Variants in COMMD7 observed in about 807,000 individuals in gnomAD.
COMMD7 encodes COMM domain-containing protein 7.
Under a neutral mutation model 34.8 loss-of-function variants are expected in COMMD7, and 28 were observed. That is an observed-to-expected ratio of 0.80 (90% CI 0.60 to 1.10). COMMD7 has a LOEUF of 1.10. COMMD7 is among the 50% of genes least tolerant of loss of function. The pLI, the probability that COMMD7 is intolerant of heterozygous loss-of-function variation, is 0.00. For missense variants in COMMD7, 211 were observed against 241.6 expected, an observed-to-expected ratio of 0.87 and a Z score of 0.84; for synonymous variants, 80 against 86.4, an observed-to-expected ratio of 0.93 and a Z score of 0.41.
At chr20:32,708,462 G>A (rs887113678) in intron 3 of COMMD7, among the ~76,000 whole-genome samples, 10 of 151,978 alleles carry the variant, frequency 6.6e-5, no homozygotes, top group Non-Finnish European at 1.5e-4. Flanking sequence ...ATCAGACTGA[G>A]CAAGGAAGCC....
chr20:32,711,135 G>T (rs1432369069), intron 3 of COMMD7, among the ~76,000 whole-genome samples: 1 of 151,646 alleles, frequency 6.6e-6, no homozygotes, highest in African/African-American at 2.4e-5. Context: ...GGTGGCTCAC[G>T]CCCATAATCC....
chr20:32,723,129 C>A (rs1319989517), intron 3 of COMMD7, among the ~76,000 whole-genome samples: 1 of 42,150 alleles, frequency 2.4e-5, no homozygotes, highest in Admixed American at 1.6e-4. Flanking sequence ...CCTCTCCCTC[C>A]CTCTCCGTCT....
At chr20:32,712,727 C>CTT (rs377281207) in intron 3 of COMMD7, among the ~76,000 whole-genome samples, 2,748 of 130,178 alleles carry the variant, frequency 0.021, 33 homozygotes, top group Non-Finnish European at 0.029. Context: ...GAGATGGTCC[C>CTT]TTTTTTTTTT....
At chr20:32,734,764 C>T in intron 1 of COMMD7, among the ~76,000 whole-genome samples, 1 of 151,476 alleles carries the variant, frequency 6.6e-6, no homozygotes. Context: ...CCCATGTCTA[C>T]TAAAAATACA....
At chr20:32,713,135 G>A (rs1437741483) in intron 3 of COMMD7, among the ~76,000 whole-genome samples, 2 of 148,646 alleles carry the variant, frequency 1.3e-5, no homozygotes, top group South Asian at 2.1e-4. Context: ...TGCAACCTCC[G>A]CCTCCCAGGT....
At chr20:32,713,934 T>A (rs1984620348) in intron 3 of COMMD7, among the ~76,000 whole-genome samples, 1 of 151,990 alleles carries the variant, frequency 6.6e-6, no homozygotes, top group Non-Finnish European at 1.5e-5. Context: ...GCCAACATGG[T>A]GAAACCCCAT....
intron 3 of COMMD7, among the ~76,000 whole-genome samples, chr20:32,724,286 A>C (rs1364386933): frequency 0.016 from 79 of 4,796 alleles, no homozygotes; most frequent in Admixed American, 0.022. Context: ...CAGCCCCCCG[A>C]CCGGCCAGCC....
intron 1 of COMMD7, among the ~76,000 whole-genome samples, chr20:32,739,087 G>A (rs1986290649): frequency 6.6e-6 from 1 of 152,114 alleles, no homozygotes; most frequent in Non-Finnish European, 1.5e-5. Context: ...CTGGCCACAT[G>A]GTGCATGCTC....
intron 3 of COMMD7, 112 bp from the exon 4 acceptor site, chr20:32,706,872 A>G: frequency 1.3e-6 from 1 of 779,946 alleles, no homozygotes; most frequent in Non-Finnish European, 2.2e-6. Flanking sequence ...ACACCCAAAG[A>G]CTGGCCAGCT....
chr20:32,732,790 G>C (rs893168227), intron 1 of COMMD7, among the ~76,000 whole-genome samples: 4 of 151,910 alleles, frequency 2.6e-5, no homozygotes, highest in Non-Finnish European at 5.9e-5. Context: ...AAAAAAATTA[G>C]CCGGTCTTGG....
chr20:32,712,797 A>T (rs1463107220), intron 3 of COMMD7, among the ~76,000 whole-genome samples: 38 of 131,840 alleles, frequency 2.9e-4, no homozygotes, highest in Admixed American at 3.5e-4. Flanking sequence ...TGTCCCCCAG[A>T]CTGGAATGCA....
At chr20:32,727,716 C>G (rs1377626124) in intron 3 of COMMD7, among the ~76,000 whole-genome samples, 177 bp downstream of exon 3, 1 of 151,988 alleles carries the variant, frequency 6.6e-6, no homozygotes, top group Admixed American at 6.6e-5. Context: ...CACTACTATT[C>G]AACTATACTA....
chr20:32,743,237 T>TGCCCCCCCCCCCCC, intron 1 of COMMD7, 71 bp downstream of exon 1: 95 of 526,850 alleles, frequency 1.8e-4, no homozygotes, highest in East Asian at 6.3e-4. Context: ...CCCCCGGACG[T>TGCCCCCCCCCCCCC]CCCCCCCACC....
intron 3 of COMMD7, among the ~76,000 whole-genome samples, chr20:32,720,603 A>T (rs1249706906): frequency 6.6e-6 from 1 of 152,078 alleles, no homozygotes; most frequent in African/African-American, 2.4e-5. Context: ...TAAGCCCAAG[A>T]ATCAAGACCA....
intron 1 of COMMD7, among the ~76,000 whole-genome samples, chr20:32,737,134 A>G (rs2145785842): frequency 1.3e-5 from 2 of 152,040 alleles, no homozygotes; most frequent in East Asian, 3.9e-4. Flanking sequence ...GTGAGCCGAG[A>G]TCGCGCCACT....
chr20:32,704,678 C>A, intron 6 of COMMD7, 136 bp downstream of exon 6: 1 of 798,106 alleles, frequency 1.3e-6, no homozygotes. Flanking sequence ...TGAATGTGGA[C>A]AGAATACAAA....
rs569824933 is a variant in COMMD7, at chr20:32,743,244, C to G, written c.84+64G>C. The G allele has an allele frequency of 4.4e-4, 397 of 912,244 alleles. 9 individuals are homozygous for G. The African/African-American group carries it at 4.6e-3, about 11-fold the overall frequency. 56.5% of individuals were successfully genotyped at this position (912,244 alleles called of 1,614,324 possible). A position where few individuals can be genotyped will look rare whatever the true frequency, so the allele number is the denominator to read the frequency against. ...CCCGCGCACCCCCGGACGTCCCCCC[C>G]ACCCCAGGCCCGGATCCTGGAATCA... On this transcript the variant is annotated intron_variant, in intron 1 of 8. Coordinates refer to ENST00000278980, the MANE Select transcript of COMMD7 (RefSeq NM_053041.3).
intron 5 of COMMD7, among the ~76,000 whole-genome samples, chr20:32,705,376 A>ATAT (rs1335467096): frequency 8.0e-6 from 1 of 125,460 alleles, no homozygotes; most frequent in African/African-American, 3.4e-5. Flanking sequence ...ATATATATAT[A>ATAT]TTTTTTTTTT....
intron 3 of COMMD7, among the ~76,000 whole-genome samples, chr20:32,722,104 G>A (rs1380890392): frequency 6.6e-6 from 1 of 151,722 alleles, no homozygotes; most frequent in Non-Finnish European, 1.5e-5. Context: ...AATTAGCCAG[G>A]TGTGGTGGTG....
Sources: gnomAD v4.1 joint callset for allele counts (sites outside exome capture counted in the v4.1 genomes callset) on GRCh38, gnomAD v4.1.1 for gene constraint, MANE v1.5 for transcripts, NCBI Gene and HGNC (gene_info 2026-07-23, HGNC 2026-07-21) for gene names.